The following LRBA variants were observed in gnomAD, a reference collection of about 807,000 sequenced individuals.
LRBA encodes LPS responsive beige-like anchor protein.
LRBA carries 176 observed loss-of-function variants against 330.0 expected under a neutral mutation model. The observed-to-expected ratio is 0.53, with a 90% CI of 0.47 to 0.60. The LOEUF is 0.60. Among genes scored for constraint, LRBA ranks in the 20% least tolerant of loss-of-function variants. LRBA has a pLI of 0.00. For missense variants in LRBA, 3,259 were observed against 3,444.8 expected, an observed-to-expected ratio of 0.95 and a Z score of 1.35; for synonymous variants, 1,230 against 1,193.0, an observed-to-expected ratio of 1.03 and a Z score of -0.64.
At chr4:150,336,105 T>G (rs1167891211) in intron 48 of LRBA, among the ~76,000 whole-genome samples, 15 of 152,232 alleles carry the variant, frequency 9.9e-5, no homozygotes. Context: ...TGTGAAGGTG[T>G]GTTACATAGG....
At chr4:150,798,209 T>G in intron 33 of LRBA, 67 bp from the exon 34 acceptor site, 1 of 1,002,186 alleles carries the variant, frequency 1.0e-6, no homozygotes, top group Non-Finnish European at 1.6e-6. Flanking sequence ...TACAATTTCA[T>G]CCAAACTGTT....
intron 13 of LRBA, among the ~76,000 whole-genome samples, chr4:150,901,207 G>T (rs1002997630): frequency 1.3e-5 from 2 of 152,102 alleles, no homozygotes; most frequent in Non-Finnish European, 2.9e-5. Flanking sequence ...ACTGAGGCAA[G>T]AGAATCGCTT....
intron 2 of LRBA, among the ~76,000 whole-genome samples, chr4:150,984,988 T>C (rs72721726): frequency 1.1e-3 from 170 of 152,340 alleles, no homozygotes; most frequent in Non-Finnish European, 1.7e-3. Context: ...AAAAGCACGG[T>C]GGCTCATGCC....
At chr4:150,599,178 C>T (rs769313552) in intron 37 of LRBA, 47 bp from the exon 38 acceptor site, 24 of 1,598,278 alleles carry the variant, frequency 1.5e-5, no homozygotes, top group South Asian at 6.7e-5. Context: ...TATCAAACAG[C>T]GTGGTAGCAC....
At chr4:150,313,789 T>G (rs890203903) in intron 51 of LRBA, among the ~76,000 whole-genome samples, 67 of 150,730 alleles carry the variant, frequency 4.4e-4, no homozygotes, top group African/African-American at 1.6e-3. Flanking sequence ...TTGGGGATGA[T>G]AGCCAAGTCT....
intron 34 of LRBA, among the ~76,000 whole-genome samples, chr4:150,794,096 C>T (rs2126654524): frequency 6.6e-6 from 1 of 152,210 alleles, no homozygotes; most frequent in Middle Eastern, 3.4e-3. Context: ...TAACAAAAGT[C>T]ACCAAGTTAG....
At position 150,928,510 on chromosome 4, in the gene LRBA, T is replaced by C. The variant is rs199594598; in HGVS notation, c.549+6A>G. The C allele has an allele frequency of 1.9e-6, 3 of 1,604,424 alleles. No homozygotes were observed. The highest frequency in any genetic ancestry group is 2.6e-6 in the Non-Finnish European group (3 of 1,173,656). ...AAAATACCAAAGAGTACTTAAGTTT[T>C]TTTACCCATCGTCCTTTATCTCCTT... On this transcript the variant is annotated splice_donor_region_variant and intron_variant, in intron 4 of 56. Transcript: ENST00000651943.
In LRBA at chr4:150,671,830, C is replaced by T. The variant is rs189178681; in HGVS notation, c.5921+11721G>A. ...CAGCAAGAAAGGGAGGAGAGTGAAT[C>T]AACACAGGGAAAGCAAGGTCTGAAA... On this transcript the variant is annotated intron_variant, in intron 37 of 56. Coordinates refer to ENST00000651943, the MANE Select transcript of LRBA (RefSeq NM_001364905.1). Among the ~76,000 whole-genome samples, 27 of 152,246 alleles carry T rather than the reference C, an allele frequency of 1.8e-4. No individual in the cohort carries two copies. In the East Asian group the frequency reaches 5.0e-3, roughly 28 times the overall value.
At chr4:150,901,812 C>T (rs1258893929) in intron 13 of LRBA, among the ~76,000 whole-genome samples, 1 of 152,140 alleles carries the variant, frequency 6.6e-6, no homozygotes, top group Non-Finnish European at 1.5e-5. Flanking sequence ...TGACCTGCCG[C>T]AAAATGTTAT....
At chr4:150,497,686 T>C (rs964633059) in intron 40 of LRBA, among the ~76,000 whole-genome samples, 1 of 152,180 alleles carries the variant, frequency 6.6e-6, no homozygotes, top group African/African-American at 2.4e-5. Context: ...ATTAAAAATA[T>C]ATAAATAAAA....
chr4:150,578,447 C>T (rs1770816496), intron 40 of LRBA, among the ~76,000 whole-genome samples: 1 of 151,628 alleles, frequency 6.6e-6, no homozygotes, highest in Non-Finnish European at 1.5e-5. Context: ...TTTTTTATTT[C>T]CAAGTTTCTG....
intron 40 of LRBA, among the ~76,000 whole-genome samples, chr4:150,539,111 G>T (rs1195971327): frequency 6.6e-6 from 1 of 152,022 alleles, no homozygotes; most frequent in Non-Finnish European, 1.5e-5. Context: ...GAGTAGCTGG[G>T]ACTATGGGCA....
chr4:150,321,130 A>C lies in LRBA; in HGVS notation c.7630+61T>G. On this transcript the variant is annotated intron_variant, in intron 50 of 56. Transcript: ENST00000651943. This position sits in a 1 kb window ranked among gnomAD's most constrained non-coding sequence, Gnocchi z 4.5. ...TTAAATGTTGAGATATGCTATATTT[A>C]AGTGGGTATTACACAGTGTTCAGCA... is the stretch of plus-strand genomic sequence containing the variant. 7.5e-7 allele frequency: 1 copy of C among 1,336,710 alleles called. No homozygotes were observed. Among genetic ancestry groups the C allele is most frequent in the South Asian group, 1.4e-5 (1 of 72,876 alleles). 82.8% of individuals were successfully genotyped at this position (1,336,710 alleles called of 1,614,324 possible). A position where few individuals can be genotyped will look rare whatever the true frequency, so the allele number is the denominator to read the frequency against.
chr4:150,373,252 A>G (rs908819431), intron 47 of LRBA, among the ~76,000 whole-genome samples: 2 of 151,508 alleles, frequency 1.3e-5, no homozygotes, highest in Non-Finnish European at 2.9e-5. Flanking sequence ...TCTTACTCAA[A>G]GAGACTATGA....
At chr4:150,881,513 CAAG>C (rs1320387128) in intron 17 of LRBA, among the ~76,000 whole-genome samples, 2 of 151,892 alleles carry the variant, frequency 1.3e-5, no homozygotes, top group East Asian at 1.9e-4. Flanking sequence ...ATGAGGACTA[CAAG>C]AAGGAGAGAA....
At position 150,310,128 on chromosome 4, in the gene LRBA, A is replaced by T; in HGVS notation, c.7849+101T>A. On this transcript the variant is annotated intron_variant, in intron 52 of 56. Transcript: ENST00000651943. ...TTCTCCCTATTTTGTAAATTTTAGG[A>T]TTTTGTAATTTTTGGAAGGAAGCAG... The T allele has an allele frequency of 3.9e-6, 3 of 775,022 alleles. No homozygotes were observed. In the South Asian group the frequency reaches 5.7e-5, roughly 15 times the overall value. 48.0% of individuals were successfully genotyped at this position (775,022 alleles called of 1,614,324 possible). A position where few individuals can be genotyped will look rare whatever the true frequency, so the allele number is the denominator to read the frequency against.
intron 17 of LRBA, among the ~76,000 whole-genome samples, chr4:150,885,131 A>G (rs1728805838): frequency 6.6e-6 from 1 of 151,854 alleles, no homozygotes; most frequent in African/African-American, 2.4e-5. Context: ...AAAAATGGGA[A>G]CACAAATTAT....
At chr4:150,727,909 A>C (rs1457207368) in intron 36 of LRBA, among the ~76,000 whole-genome samples, 2 of 152,142 alleles carry the variant, frequency 1.3e-5, no homozygotes, top group Non-Finnish European at 2.9e-5. Flanking sequence ...AACAATACAG[A>C]AGAGTGATTA....
intron 2 of LRBA, among the ~76,000 whole-genome samples, chr4:150,938,623 C>G (rs767962325): frequency 1.3e-5 from 2 of 152,158 alleles, no homozygotes; most frequent in African/African-American, 4.8e-5. Flanking sequence ...AAGAAAGAAA[C>G]CTGACCCCTT....
Sources: allele counts gnomAD v4.1 joint callset (sites outside exome capture counted in the v4.1 genomes callset), GRCh38; gene constraint gnomAD v4.1.1; non-coding constraint Gnocchi (gnomAD v3.1); transcripts MANE v1.5; gene names NCBI Gene and HGNC (gene_info 2026-07-23, HGNC 2026-07-21).